RNF187: variants seen among roughly 807,000 people sequenced by gnomAD.
RNF187 encodes ring finger protein 187.
In RNF187, 18 loss-of-function variants were observed where a neutral mutation model predicts 22.2. The observed-to-expected ratio is 0.81, with a 90% CI of 0.56 to 1.20. The LOEUF (loss-of-function observed/expected upper bound fraction) is 1.20. Ranked by LOEUF, RNF187 falls within the 50% of genes most tolerant of loss-of-function variation. The probability of loss-of-function intolerance (pLI) is 0.00; values close to 1 mark genes in which losing one functional copy is unlikely to be tolerated. For synonymous variants in RNF187, 164 were observed against 140.9 expected, an observed-to-expected ratio of 1.16 and a Z score of -1.16; for missense variants, 329 against 317.6, an observed-to-expected ratio of 1.04 and a Z score of -0.27.
At position 228,494,481 on chromosome 1, in the gene RNF187, C is replaced by A; in HGVS notation, c.*596C>A. On this transcript the variant is annotated 3_prime_UTR_variant, in exon 4 of 4. Transcript: ENST00000305943. The stretch of plus-strand genomic sequence containing the variant: ...TCCAAGTCGCTCTGTCCACCTCCCC[C>A]TTCCTGGCCCCCACCCCACTCCTGT... 2.0e-6 allele frequency: 2 copies of A among 987,066 alleles called. No homozygotes were observed. Among genetic ancestry groups the A allele is most frequent in the Non-Finnish European group, 2.4e-6 (2 of 830,934 alleles). 61.1% of individuals were successfully genotyped at this position (987,066 alleles called of 1,614,324 possible).
chr1:228,494,837 C>A lies in RNF187; in HGVS notation c.*952C>A. 2.0e-6 allele frequency: 2 copies of A among 985,332 alleles called. No homozygotes were observed. The highest frequency in any genetic ancestry group is 1.2e-6 in the Non-Finnish European group (1 of 829,970). 61.0% of individuals were successfully genotyped at this position (985,332 alleles called of 1,614,324 possible). On this transcript the variant is annotated 3_prime_UTR_variant, in exon 4 of 4. Transcript: ENST00000305943. The stretch of plus-strand genomic sequence containing the variant: ...TTGTTGAGATTTGGGGATAGCCGGG[C>A]TTGTGAGCGGTGCCCATTTCCAGAT...
Position 228,487,796 on chromosome 1 carries a change from C to A in RNF187, c.308C>A (p.Pro103Gln). 2 of 1,128,542 alleles carry A rather than the reference C, an allele frequency of 1.8e-6. No individual in the cohort carries two copies. Among genetic ancestry groups the A allele is most frequent in the South Asian group, 4.1e-5 (1 of 24,486 alleles). 69.9% of individuals were successfully genotyped at this position (1,128,542 alleles called of 1,614,324 possible). A position where few individuals can be genotyped will look rare whatever the true frequency, so the allele number is the denominator to read the frequency against. ...CTGCTGTGCCGCGCCGACGCCGGCC[C>A]GCTCTGCGCCGCCTGCCGTATGGCT... Residue 103 changes from proline (P) to glutamine (Q), a missense_variant, in exon 1 of 4, where the codon CCG becomes CAG. By Grantham distance (76) the Pro-to-Gln change is moderately conservative (BLOSUM62 -1). Coordinates refer to ENST00000305943, the MANE Select transcript of RNF187 (RefSeq NM_001010858.3).
In RNF187 at chr1:228,487,627, T is replaced by A; in HGVS notation, c.139T>A (p.Phe47Ile). Reference sequence around the variant, plus strand: ...CTTCTGGGCCGAGGAGGACGGGCCCTTCCCGTGCCCCGAGTGCGCCGACGA... The same window carrying A: ...CTTCTGGGCCGAGGAGGACGGGCCCATCCCGTGCCCCGAGTGCGCCGACGA... The change falls in exon 1 of 4, where the codon TTC (phenylalanine) becomes ATC (isoleucine). Residue 47 changes from phenylalanine to isoleucine, a missense_variant. Coordinates refer to ENST00000305943, the MANE Select transcript of RNF187 (RefSeq NM_001010858.3). 8.2e-7 allele frequency: 1 copy of A among 1,221,714 alleles called. No individual in the cohort carries two copies. 75.7% of individuals were successfully genotyped at this position (1,221,714 alleles called of 1,614,324 possible).
At chr1:228,488,588 C>T in intron 1 of RNF187, 1 of 185,032 alleles carries the variant, frequency 5.4e-6, no homozygotes, top group Non-Finnish European at 1.1e-5. Flanking sequence ...GGGTGCTCCT[C>T]CTGCATTGGG....
At position 228,487,755 on chromosome 1, in the gene RNF187, C is replaced by A; in HGVS notation, c.267C>A (p.Ser89Arg). The change falls in exon 1 of 4, where the codon AGC (serine) becomes AGA (arginine). Residue 89 changes from serine to arginine, a missense_variant. Physicochemically the swap from Ser to Arg is moderately radical, Grantham distance 110. Transcript: ENST00000305943. ...CGCCCGCGCGCGACGGCCCGGCCAG[C>A]GAGGCCGCGCTGCAGCTGCTGTGCC... The A allele has an allele frequency of 1.9e-6, 2 of 1,041,702 alleles. No individual in the cohort carries two copies. The highest frequency in any genetic ancestry group is 2.3e-6 in the Non-Finnish European group (2 of 868,220). The allele number at this position is 1,041,702 out of a possible 1,614,324, so 64.5% of individuals were successfully genotyped here.
chr1:228,492,461 A>G, intron 2 of RNF187, among the ~76,000 whole-genome samples: 1 of 151,118 alleles, frequency 6.6e-6, no homozygotes, highest in South Asian at 2.1e-4. Flanking sequence ...AGCTGGGACT[A>G]CAGGCGTGCG....
intron 2 of RNF187, 48 bp downstream of exon 2, chr1:228,489,100 C>T: frequency 2.0e-6 from 3 of 1,473,810 alleles, no homozygotes; most frequent in South Asian, 1.2e-5. Context: ...ACTGTGGGCT[C>T]AGGGCTCTAG....
intron 2 of RNF187, 106 bp from the exon 3 acceptor site, chr1:228,492,947 A>G: frequency 8.3e-7 from 1 of 1,202,540 alleles, no homozygotes; most frequent in Non-Finnish European, 1.2e-6. Context: ...CCTGAGCAGC[A>G]TGTTTTGGAG....
Position 228,493,914 on chromosome 1 carries a change from T to C in RNF187, c.*29T>C. On this transcript the variant is annotated 3_prime_UTR_variant, in exon 4 of 4. Transcript: ENST00000305943. This position sits in a 1 kb window ranked among gnomAD's most constrained non-coding sequence, Gnocchi z 4.7. ...CGCCAACCCGTGGCAGTCCCAGAGC[T>C]GGAGGCAGGAGGATGGATCCTCATC... is the stretch of plus-strand genomic sequence containing the variant. 3.9e-6 allele frequency: 6 copies of C among 1,551,652 alleles called. No individual in the cohort carries two copies. The African/African-American group carries it at 6.8e-5, about 18-fold the overall frequency.
At position 228,493,035 on chromosome 1, in the gene RNF187, C is replaced by T; in HGVS notation, c.484-18C>T. 4 of 1,528,346 alleles carry T rather than the reference C, an allele frequency of 2.6e-6. No homozygotes were observed. The highest frequency in any genetic ancestry group is 3.5e-6 in the Non-Finnish European group (4 of 1,132,622). The allele number at this position is 1,528,346 out of a possible 1,614,324, so 94.7% of individuals were successfully genotyped here. On this transcript the variant is annotated intron_variant, in intron 2 of 3. Coordinates refer to ENST00000305943, the MANE Select transcript of RNF187 (RefSeq NM_001010858.3). The surrounding 1 kb of genome is among the most constrained non-coding windows in gnomAD (Gnocchi z 4.7). The stretch of plus-strand genomic sequence containing the variant: ...GGGTGGGTGAGGACACAGGTCTTTT[C>T]CTGCCACCCGTTTGCAGGGACACGT...
chr1:228,492,928 G>A, intron 2 of RNF187, 125 bp from the exon 3 acceptor site: 4 of 1,068,320 alleles, frequency 3.7e-6, no homozygotes, highest in Middle Eastern at 3.2e-4. Context: ...TGGCCTAATA[G>A]TCGATGTGCC....
Position 228,494,927 on chromosome 1 carries a change from G to T in RNF187, c.*1042G>T. ...GATGTCTGTGAGTTTGACCTGCCCA[G>T]CGTGTGGGCTGGCTCAATGCTGAAT... On this transcript the variant is annotated 3_prime_UTR_variant, in exon 4 of 4. Transcript: ENST00000305943. 13 of 985,364 alleles carry T rather than the reference G, an allele frequency of 1.3e-5. No individual in the cohort carries two copies. The African/African-American group carries it at 1.6e-4, about 12-fold the overall frequency. The allele number at this position is 985,364 out of a possible 1,614,324, so 61.0% of individuals were successfully genotyped here. A position where few individuals can be genotyped will look rare whatever the true frequency, so the allele number is the denominator to read the frequency against.
chr1:228,493,038 G>A lies in RNF187; in HGVS notation c.484-15G>A. 1 of 1,530,446 alleles carries A rather than the reference G, an allele frequency of 6.5e-7. No homozygotes were observed. Among genetic ancestry groups the A allele is most frequent in the South Asian group, 1.2e-5 (1 of 81,386 alleles). The allele number at this position is 1,530,446 out of a possible 1,614,324, so 94.8% of individuals were successfully genotyped here. ...TGGGTGAGGACACAGGTCTTTTCCT[G>A]CCACCCGTTTGCAGGGACACGTGAT... On this transcript the variant is annotated splice_polypyrimidine_tract_variant and intron_variant, in intron 2 of 3. Transcript: ENST00000305943. This position sits in a 1 kb window ranked among gnomAD's most constrained non-coding sequence, Gnocchi z 4.7.
chr1:228,494,001 C>T lies in RNF187; in HGVS notation c.*116C>T. On this transcript the variant is annotated 3_prime_UTR_variant, in exon 4 of 4. Coordinates refer to ENST00000305943, the MANE Select transcript of RNF187 (RefSeq NM_001010858.3). Reference sequence around the variant, plus strand: ...CGTGGCAGGCGCCTGGCCTTGGGTCCATCTACATAGTTGCGTGTTTCAACA... The same window carrying T: ...CGTGGCAGGCGCCTGGCCTTGGGTCTATCTACATAGTTGCGTGTTTCAACA... 1.9e-6 allele frequency: 3 copies of T among 1,550,542 alleles called. No homozygotes were observed. The African/African-American group carries it at 4.1e-5, about 21-fold the overall frequency.
In RNF187 at chr1:228,495,097, T is replaced by C; in HGVS notation, c.*1212T>C. The C allele has an allele frequency of 1.1e-6, 1 of 918,272 alleles. No homozygotes were observed. Among genetic ancestry groups the C allele is most frequent in the Non-Finnish European group, 1.3e-6 (1 of 768,782 alleles). 56.9% of individuals were successfully genotyped at this position (918,272 alleles called of 1,614,324 possible). On this transcript the variant is annotated 3_prime_UTR_variant, in exon 4 of 4. Coordinates refer to ENST00000305943, the MANE Select transcript of RNF187 (RefSeq NM_001010858.3). ...GTGAGGAGGACTTTGATTGGGACCA[T>C]TGAGATGGGTGTGGGACCCTTTCCT...
In RNF187 at chr1:228,493,807, T is replaced by C; in HGVS notation, c.706-76T>C. 4.1e-6 allele frequency: 6 copies of C among 1,476,464 alleles called. No homozygotes were observed. The Admixed American group carries it at 9.8e-5, about 24-fold the overall frequency. The allele number at this position is 1,476,464 out of a possible 1,614,324, so 91.5% of individuals were successfully genotyped here. A position where few individuals can be genotyped will look rare whatever the true frequency, so the allele number is the denominator to read the frequency against. The stretch of plus-strand genomic sequence containing the variant: ...GTGCGCTCTCTCTTTCGCTCTCTCC[T>C]TTTGCCTCTGTCTCTGACTCTGTGT... On this transcript the variant is annotated intron_variant, in intron 3 of 3. Transcript: ENST00000305943. This position sits in a 1 kb window ranked among gnomAD's most constrained non-coding sequence, Gnocchi z 4.7.
Position 228,487,739 on chromosome 1 carries a change from G to A in RNF187, c.251G>A (p.Arg84His). 1 of 1,029,620 alleles carries A rather than the reference G, an allele frequency of 9.7e-7. No homozygotes were observed. Among genetic ancestry groups the A allele is most frequent in the Non-Finnish European group, 1.2e-6 (1 of 860,802 alleles). 63.8% of individuals were successfully genotyped at this position (1,029,620 alleles called of 1,614,324 possible). A position where few individuals can be genotyped will look rare whatever the true frequency, so the allele number is the denominator to read the frequency against. ...GAGGAGGCGGCCGCGGCGCCCGCGC[G>A]CGACGGCCCGGCCAGCGAGGCCGCG... The change falls in exon 1 of 4, where the codon CGC (arginine) becomes CAC (histidine). Residue 84 changes from arginine (R) to histidine (H), a missense_variant. Transcript: ENST00000305943.
chr1:228,492,957 G>A, intron 2 of RNF187, 96 bp from the exon 3 acceptor site: 1 of 1,291,032 alleles, frequency 7.7e-7, no homozygotes, highest in South Asian at 1.5e-5. Context: ...ATGTTTTGGA[G>A]TGGCATGTTC....
At chr1:228,489,969 G>A in intron 2 of RNF187, among the ~76,000 whole-genome samples, 1 of 152,294 alleles carries the variant, frequency 6.6e-6, no homozygotes, top group Admixed American at 6.5e-5. Context: ...ATATCCCAAG[G>A]GGACATCCCA....
Sources: allele counts gnomAD v4.1 joint callset (sites outside exome capture counted in the v4.1 genomes callset), GRCh38; gene constraint gnomAD v4.1.1; non-coding constraint Gnocchi (gnomAD v3.1); transcripts MANE v1.5; gene names NCBI Gene and HGNC (gene_info 2026-07-23, HGNC 2026-07-21).